Variants in L3MBTL4 observed in about 807,000 individuals in gnomAD.
The protein encoded by L3MBTL4 is L3MBTL histone methyl-lysine binding protein 4.
L3MBTL4 carries 70 observed loss-of-function variants against 84.5 expected under a neutral mutation model. That is an observed-to-expected ratio of 0.83 (90% CI 0.68 to 1.01). The LOEUF is 1.01. Ranked by LOEUF, L3MBTL4 falls within the 50% of genes least tolerant of loss-of-function variation. L3MBTL4 has a pLI of 0.00. For synonymous variants in L3MBTL4, 274 were observed against 259.8 expected, an observed-to-expected ratio of 1.05 and a Z score of -0.52; for missense variants, 715 against 754.8, an observed-to-expected ratio of 0.95 and a Z score of 0.62.
Position 6,270,011 on chromosome 18 carries a change from G to T in L3MBTL4, c.128-5973C>A, listed in dbSNP as rs150641701. Among the ~76,000 whole-genome samples, 938 of 152,236 alleles carry T rather than the reference G, an allele frequency of 6.2e-3. 3 individuals are homozygous for T. Among genetic ancestry groups the T allele is most frequent in the Non-Finnish European group, 9.0e-3 (611 of 68,008 alleles). ...ATTAGCCATAAACACAACCCTTCATGGTGATATTTCCATTTCATTTCAAAA... is the reference window on the plus strand; with the variant it reads ...ATTAGCCATAAACACAACCCTTCATTGTGATATTTCCATTTCATTTCAAAA... On this transcript the variant is annotated intron_variant, in intron 4 of 18. Transcript: ENST00000317931.
At chr18:6,197,961 A>T (rs1037426402) in intron 12 of L3MBTL4, among the ~76,000 whole-genome samples, 4 of 152,172 alleles carry the variant, frequency 2.6e-5, no homozygotes, top group African/African-American at 9.7e-5. Flanking sequence ...GGGGTGGCGC[A>T]CCTTCTCTCC....
At position 5,986,099 on chromosome 18, in the gene L3MBTL4, A is replaced by T. The variant is rs548226081; in HGVS notation, c.1445-16537T>A. 4.6e-5 allele frequency among the ~76,000 whole-genome samples: 7 copies of T among 152,300 alleles called. No individual in the cohort carries two copies. The South Asian group carries it at 1.4e-3, about 32-fold the overall frequency. ...ATTGTATTGGTGGAGCAGCTGATTT[A>T]CCTGAGAATGAAATAAGAAGGTGCT... is the stretch of plus-strand genomic sequence containing the variant. On this transcript the variant is annotated intron_variant, in intron 16 of 18. Transcript: ENST00000317931.
intron 3 of L3MBTL4, among the ~76,000 whole-genome samples, chr18:6,306,882 C>T (rs1257663517): frequency 6.6e-6 from 1 of 152,188 alleles, no homozygotes; most frequent in East Asian, 1.9e-4. Context: ...ATAAGCAGCA[C>T]AGCTAAAGAA....
chr18:6,067,414 T>C (rs1217828613), intron 16 of L3MBTL4, among the ~76,000 whole-genome samples: 1 of 152,222 alleles, frequency 6.6e-6, no homozygotes, highest in African/African-American at 2.4e-5. Context: ...TAGACTTCTC[T>C]TTTCCCTCAG....
intron 16 of L3MBTL4, among the ~76,000 whole-genome samples, chr18:5,998,797 G>T (rs1186068158): frequency 2.0e-5 from 3 of 152,086 alleles, no homozygotes; most frequent in Non-Finnish European, 2.9e-5. Flanking sequence ...GTCTGTTCCT[G>T]TCCCCTCCTT....
chr18:6,049,178 A>T (rs1264120495), intron 16 of L3MBTL4, among the ~76,000 whole-genome samples: 1 of 152,200 alleles, frequency 6.6e-6, no homozygotes, highest in Non-Finnish European at 1.5e-5. Context: ...GACCTAGGAA[A>T]CACCATTTTC....
chr18:5,981,591 G>A (rs1296058481), intron 16 of L3MBTL4, among the ~76,000 whole-genome samples: 1 of 151,906 alleles, frequency 6.6e-6, no homozygotes, highest in Non-Finnish European at 1.5e-5. Flanking sequence ...CAAAGTAGGA[G>A]GATCCCTTGA....
intron 4 of L3MBTL4, among the ~76,000 whole-genome samples, chr18:6,283,284 T>G (rs2146604891): frequency 6.6e-6 from 1 of 152,290 alleles, no homozygotes; most frequent in South Asian, 2.1e-4. Context: ...CTTAAAGTGC[T>G]TTTTGAAAAA....
intron 1 of L3MBTL4, chr18:6,395,005 T>C (rs1424686391): frequency 6.6e-6 from 1 of 152,184 alleles, no homozygotes; most frequent in African/African-American, 2.4e-5. Context: ...TTGACATACA[T>C]GTAGATGTCT....
intron 5 of L3MBTL4, 129 bp downstream of exon 5, chr18:6,263,818 G>T: frequency 1.3e-6 from 1 of 750,236 alleles, no homozygotes. Flanking sequence ...AGGTTTGTGG[G>T]GTCATTTTCC....
chr18:6,053,836 G>A (rs1486325689), intron 16 of L3MBTL4, among the ~76,000 whole-genome samples: 1 of 152,120 alleles, frequency 6.6e-6, no homozygotes, highest in Non-Finnish European at 1.5e-5. Context: ...GCACATAAAT[G>A]ATATGTTCAA....
intron 16 of L3MBTL4, among the ~76,000 whole-genome samples, chr18:6,001,380 G>T (rs1426204476): frequency 1.3e-5 from 2 of 152,226 alleles, no homozygotes; most frequent in Non-Finnish European, 2.9e-5. Context: ...AAGGAAAGCA[G>T]TGGGCTCAGA....
chr18:6,086,460 C>T (rs1203208760), intron 15 of L3MBTL4, among the ~76,000 whole-genome samples: 1 of 152,108 alleles, frequency 6.6e-6, no homozygotes. Flanking sequence ...TATTTCATAA[C>T]GTTTCAGCAT....
intron 5 of L3MBTL4, among the ~76,000 whole-genome samples, chr18:6,250,903 T>C (rs1304899830): frequency 6.6e-6 from 1 of 152,260 alleles, no homozygotes; most frequent in East Asian, 1.9e-4. Flanking sequence ...ATTGTTCCAA[T>C]GTGTCCCTTG....
chr18:6,142,689 G>C (rs958501454), intron 13 of L3MBTL4, among the ~76,000 whole-genome samples: 8 of 152,132 alleles, frequency 5.3e-5, no homozygotes, highest in African/African-American at 1.9e-4. Context: ...GGGAGTTTGA[G>C]GTGGGAGGAT....
chr18:6,333,267 G>A (rs1173465266), intron 1 of L3MBTL4, among the ~76,000 whole-genome samples: 2 of 152,078 alleles, frequency 1.3e-5, no homozygotes, highest in African/African-American at 4.8e-5. Context: ...AGGCTTTGGT[G>A]CCAAAAAGAA....
intron 16 of L3MBTL4, among the ~76,000 whole-genome samples, chr18:6,078,626 G>A (rs2057956102): frequency 6.6e-6 from 1 of 152,036 alleles, no homozygotes; most frequent in South Asian, 2.1e-4. Flanking sequence ...TTATAATAAT[G>A]GGGATTAGTC....
chr18:6,283,282 G>T (rs1050576252), intron 4 of L3MBTL4, among the ~76,000 whole-genome samples: 46 of 152,218 alleles, frequency 3.0e-4, no homozygotes, highest in African/African-American at 1.1e-3. Context: ...CACTTAAAGT[G>T]CTTTTTGAAA....
At chr18:6,376,556 G>T (rs536286405) in intron 1 of L3MBTL4, among the ~76,000 whole-genome samples, 1 of 152,202 alleles carries the variant, frequency 6.6e-6, no homozygotes, top group African/African-American at 2.4e-5. Flanking sequence ...CTGGGCTGGG[G>T]AGACCCCATC....
Sources: gnomAD v4.1 joint callset for allele counts (sites outside exome capture counted in the v4.1 genomes callset) on GRCh38, gnomAD v4.1.1 for gene constraint, MANE v1.5 for transcripts, NCBI Gene and HGNC (gene_info 2026-07-23, HGNC 2026-07-21) for gene names.